GFI1B: variants seen among roughly 807,000 people sequenced by gnomAD.
GFI1B encodes growth factor independent 1B transcriptional repressor.
In GFI1B, 20 loss-of-function variants were observed where a neutral mutation model predicts 35.3. The observed-to-expected ratio is 0.57, with a 90% confidence interval of 0.40 to 0.82. GFI1B has a LOEUF of 0.82. Among genes scored for constraint, GFI1B ranks in the 40% least tolerant of loss-of-function variants. The pLI is 0.00. For missense variants in GFI1B, 430 were observed against 446.3 expected (o/e 0.96, Z 0.33); for synonymous variants, 178 against 177.6 (o/e 1.00, Z -0.02).
chr9:132,987,958 C>T (rs1220311349), intron 3 of GFI1B, among the ~76,000 whole-genome samples: 1 of 152,182 alleles, frequency 6.6e-6, no homozygotes, highest in African/African-American at 2.4e-5. Flanking sequence ...AATTCTCCTG[C>T]CTCAGCCTCC....
chr9:132,964,053 C>A (rs887339725), intron 1 of GFI1B, among the ~76,000 whole-genome samples: 2 of 152,120 alleles, frequency 1.3e-5, no homozygotes, highest in Non-Finnish European at 1.5e-5. Context: ...CCAGCCTGGC[C>A]AACATGGTGA....
chr9:132,979,283 G>A (rs1449977490), intron 1 of GFI1B, among the ~76,000 whole-genome samples: 2 of 131,908 alleles, frequency 1.5e-5, no homozygotes, highest in Non-Finnish European at 3.1e-5. Flanking sequence ...TTGAGACAGA[G>A]TGAGACTCTG....
chr9:132,983,399 G>T (rs1848905775), intron 1 of GFI1B, among the ~76,000 whole-genome samples: 1 of 152,072 alleles, frequency 6.6e-6, no homozygotes, highest in South Asian at 2.1e-4. Flanking sequence ...GTTTCACTGT[G>T]TTGGCTAGGC....
At chr9:132,984,847 C>T (rs1031971315) in intron 1 of GFI1B, among the ~76,000 whole-genome samples, 4 of 152,150 alleles carry the variant, frequency 2.6e-5, no homozygotes, top group African/African-American at 4.8e-5. Flanking sequence ...TGGGCATAGT[C>T]GGGTCCCTCT....
At chr9:132,974,764 G>A (rs376227736), upstream of GFI1B, among the ~76,000 whole-genome samples, 356 of 151,864 alleles carry the variant, frequency 2.3e-3, 15 homozygotes, top group South Asian at 0.071. Context: ...TAACATTTCC[G>A]CTAAGACCTG....
At chr9:132,979,886 C>T (rs1034579) in intron 1 of GFI1B, among the ~76,000 whole-genome samples, 7 of 152,156 alleles carry the variant, frequency 4.6e-5, no homozygotes, top group South Asian at 4.1e-4. Context: ...GGAGTAAATT[C>T]GATTACAATC....
At chr9:132,965,891 C>T (rs1230584877) in intron 1 of GFI1B, among the ~76,000 whole-genome samples, 2 of 152,208 alleles carry the variant, frequency 1.3e-5, no homozygotes, top group African/African-American at 2.4e-5. Context: ...AGAATTTCTG[C>T]AATTTAATGT....
At position 132,978,795 on chromosome 9, in the gene GFI1B, C is replaced by T. The variant is rs1490650318; in HGVS notation, c.-67C>T. The T allele has an allele frequency of 1.3e-5, 2 of 152,326 alleles. No homozygotes were observed. Among genetic ancestry groups the T allele is most frequent in the Non-Finnish European group, 2.9e-5 (2 of 68,102 alleles). The allele number at this position is 152,326 out of a possible 1,614,324, so 9.4% of individuals were successfully genotyped here. ...CCCGAGAGAGGCTTTGCAGTTCCCA[C>T]CTCGGGAAGCTCCGGCAGAACCCAG... On this transcript the variant is annotated 5_prime_UTR_variant, in exon 1 of 7. Transcript: ENST00000372122.
chr9:132,979,159 A>G (rs749490832), intron 1 of GFI1B, among the ~76,000 whole-genome samples: 1 of 151,594 alleles, frequency 6.6e-6, no homozygotes, highest in Non-Finnish European at 1.5e-5. Flanking sequence ...GGCAGTGCTC[A>G]GGGAGACACA....
At chr9:132,946,031 C>T (rs921303190) in intron 1 of GFI1B, among the ~76,000 whole-genome samples, 2 of 152,132 alleles carry the variant, frequency 1.3e-5, no homozygotes, top group African/African-American at 2.4e-5. Flanking sequence ...CAGTATAGGG[C>T]CTTGGTGAGA....
chr9:132,991,193 CTG>C lies in GFI1B; in HGVS notation c.*148_*149del. 2.7e-6 allele frequency: 2 copies of C among 746,968 alleles called. No homozygotes were observed. Among genetic ancestry groups the C allele is most frequent in the South Asian group, 1.6e-5 (1 of 63,546 alleles). The allele number at this position is 746,968 out of a possible 1,614,324, so 46.3% of individuals were successfully genotyped here. On this transcript the variant is annotated 3_prime_UTR_variant, in exon 7 of 7. Transcript: ENST00000372122. The stretch of plus-strand genomic sequence containing the variant: ...GCTTGTTTTGAGACTCATGAAATTG[CTG>C]TGTGACCTTGGGCAAGTCACTTACC...
chr9:132,987,928 T>C (rs1849134188), intron 3 of GFI1B, among the ~76,000 whole-genome samples: 1 of 152,184 alleles, frequency 6.6e-6, no homozygotes, highest in Admixed American at 6.5e-5. Context: ...CACTGCAACC[T>C]CTGCCTCCCA....
chr9:132,962,757 A>T, intron 1 of GFI1B: 1 of 353,536 alleles, frequency 2.8e-6, no homozygotes, highest in Non-Finnish European at 5.5e-6. Flanking sequence ...ATATCTGGAC[A>T]GTTTGACATG....
intron 1 of GFI1B, among the ~76,000 whole-genome samples, chr9:132,948,196 T>TG (rs1554823995): frequency 6.7e-5 from 10 of 148,366 alleles, no homozygotes; most frequent in African/African-American, 2.5e-4. Context: ...GATGGGTGTT[T>TG]AAAAAAAAAA....
At chr9:132,960,874 G>T (rs1425637551) in intron 1 of GFI1B, among the ~76,000 whole-genome samples, 1 of 151,616 alleles carries the variant, frequency 6.6e-6, no homozygotes, top group Admixed American at 6.6e-5. Flanking sequence ...CCCTGATCAC[G>T]CCTCTACACA....
chr9:132,988,224 A>AGGATGGGG lies in GFI1B; in HGVS notation c.267_274dup (p.Asp92GlyfsTer78). On this transcript the variant is annotated frameshift_variant, in exon 4 of 7. Transcript: ENST00000372122. LOFTEE classifies it high-confidence loss of function. Reference sequence around the variant, plus strand: ...GGCCCCATTGTGCTGTCCCGACCCCAGGATGGGGACTCTCCACTGTCCGAC... The same window carrying AGGATGGGG: ...GGCCCCATTGTGCTGTCCCGACCCCAGGATGGGGGGATGGGGACTCTCCACTGTCCGAC... 1 of 1,614,060 alleles carries AGGATGGGG rather than the reference A, an allele frequency of 6.2e-7. No individual in the cohort carries two copies. Among genetic ancestry groups the AGGATGGGG allele is most frequent in the Non-Finnish European group, 8.5e-7 (1 of 1,179,898 alleles).
At chr9:132,962,842 G>A (rs1242112407) in intron 1 of GFI1B, among the ~76,000 whole-genome samples, 4 of 151,810 alleles carry the variant, frequency 2.6e-5, no homozygotes, top group African/African-American at 9.7e-5. Context: ...AGGCCAAGGC[G>A]GGTGGATCAC....
intron 1 of GFI1B, among the ~76,000 whole-genome samples, chr9:132,980,212 C>T (rs1440407325): frequency 2.8e-5 from 4 of 141,682 alleles, no homozygotes; most frequent in Admixed American, 6.9e-5. Context: ...AAGCTTTCAG[C>T]GGGGCAGGGT....
intron 1 of GFI1B, among the ~76,000 whole-genome samples, chr9:132,950,784 A>T (rs1237246721): frequency 3.5e-4 from 49 of 138,502 alleles, no homozygotes; most frequent in Admixed American, 3.3e-3. Context: ...CCTTAATCAC[A>T]CACAAATGCT....
Sources: gnomAD v4.1 joint callset for allele counts (sites outside exome capture counted in the v4.1 genomes callset) on GRCh38, gnomAD v4.1.1 for gene constraint, MANE v1.5 for transcripts, NCBI Gene and HGNC (gene_info 2026-07-23, HGNC 2026-07-21) for gene names.